SDK1: variants seen among roughly 807,000 people sequenced by gnomAD.
SDK1 encodes the protein sidekick cell adhesion molecule 1, also known as protein sidekick-1.
A neutral mutation model predicts 245.5 loss-of-function variants in SDK1; 157 were observed. The ratio of observed to expected loss-of-function variants is 0.64; its 90% CI spans 0.56 to 0.73. The LOEUF (loss-of-function observed/expected upper bound fraction) is 0.73. SDK1 is among the 30% of genes least tolerant of loss of function. The probability of loss-of-function intolerance (pLI) is 0.00; values close to 1 mark genes in which losing one functional copy is unlikely to be tolerated. For missense variants in SDK1, 3,583 were observed against 3,002.3 expected (o/e 1.19, Z -4.52); for synonymous variants, 1,647 against 1,278.5 (o/e 1.29, Z -6.15).
chr7:3,454,804 G>C (rs943794155), intron 1 of SDK1, among the ~76,000 whole-genome samples: 7 of 152,126 alleles, frequency 4.6e-5, no homozygotes, highest in African/African-American at 1.4e-4. Context: ...TTTCCATGCA[G>C]GTTTTTGTGC....
chr7:3,942,098 G>C (rs1780391472), intron 5 of SDK1, among the ~76,000 whole-genome samples: 1 of 152,030 alleles, frequency 6.6e-6, no homozygotes. Context: ...AGTGGAGACG[G>C]GGTTTCACCG....
intron 1 of SDK1, among the ~76,000 whole-genome samples, chr7:3,525,935 A>G (rs1783112498): frequency 6.6e-6 from 1 of 152,182 alleles, no homozygotes; most frequent in African/African-American, 2.4e-5. Context: ...CTCTACTCTC[A>G]GGTAATTCAC....
At chr7:3,564,920 A>G (rs529594997) in intron 1 of SDK1, among the ~76,000 whole-genome samples, 13 of 152,020 alleles carry the variant, frequency 8.6e-5, no homozygotes, top group Non-Finnish European at 1.6e-4. Flanking sequence ...CAAAAATGCG[A>G]TTATCTCAAG....
intron 1 of SDK1, among the ~76,000 whole-genome samples, chr7:3,502,640 G>A (rs370281366): frequency 1.6e-4 from 24 of 152,170 alleles, no homozygotes; most frequent in Admixed American, 4.6e-4. Context: ...AGAACTACCC[G>A]TTTTGTGTAA....
At chr7:3,520,705 C>A (rs1047799181) in intron 1 of SDK1, among the ~76,000 whole-genome samples, 1 of 152,102 alleles carries the variant, frequency 6.6e-6, no homozygotes, top group Admixed American at 6.6e-5. Flanking sequence ...TTTCTTTAAT[C>A]CCTGTTCAAG....
chr7:3,847,919 G>A (rs1039459181), intron 5 of SDK1, among the ~76,000 whole-genome samples: 4 of 152,182 alleles, frequency 2.6e-5, no homozygotes, highest in African/African-American at 9.7e-5. Context: ...ACCCCTCCCA[G>A]AATTAGACCC....
chr7:4,032,436 G>A (rs1028904760), intron 17 of SDK1, among the ~76,000 whole-genome samples: 3 of 152,216 alleles, frequency 2.0e-5, no homozygotes, highest in African/African-American at 7.2e-5. Flanking sequence ...GCTGAAGGCA[G>A]AAGCGTAAGG....
At chr7:4,042,617 T>C (rs1441145764) in intron 17 of SDK1, among the ~76,000 whole-genome samples, 1 of 91,962 alleles carries the variant, frequency 1.1e-5, no homozygotes, top group Non-Finnish European at 2.0e-5. Flanking sequence ...AAGGGTCTAA[T>C]GCTAATCATC....
intron 1 of SDK1, among the ~76,000 whole-genome samples, chr7:3,502,865 G>C (rs1198830064): frequency 6.6e-6 from 1 of 152,020 alleles, no homozygotes; most frequent in African/African-American, 2.4e-5. Flanking sequence ...TTGTTTTCTT[G>C]TTCTGTAACA....
At chr7:3,378,203 G>A (rs1018041457) in intron 1 of SDK1, among the ~76,000 whole-genome samples, 1 of 152,130 alleles carries the variant, frequency 6.6e-6, no homozygotes, top group South Asian at 2.1e-4. Context: ...AATTAACATT[G>A]TTCTGTCTTC....
chr7:3,482,937 A>G (rs1177346652), intron 1 of SDK1, among the ~76,000 whole-genome samples: 1 of 151,488 alleles, frequency 6.6e-6, no homozygotes, highest in Non-Finnish European at 1.5e-5. Flanking sequence ...GATGCTGGTG[A>G]CAACAATGAT....
chr7:3,678,154 A>T (rs1316996153), intron 4 of SDK1, among the ~76,000 whole-genome samples: 1 of 152,164 alleles, frequency 6.6e-6, no homozygotes, highest in Non-Finnish European at 1.5e-5. Context: ...AGGATGTGGA[A>T]ACAGTGGGGT....
At chr7:3,360,242 A>G (rs1780916555) in intron 1 of SDK1, among the ~76,000 whole-genome samples, 1 of 152,220 alleles carries the variant, frequency 6.6e-6, no homozygotes, top group African/African-American at 2.4e-5. Flanking sequence ...AGCCCCAGCC[A>G]AATACCTGAC....
intron 5 of SDK1, among the ~76,000 whole-genome samples, chr7:3,845,315 C>CAAGGTCAAGTTCAAGACTAGCCTGA: frequency 6.6e-6 from 1 of 152,000 alleles, no homozygotes; most frequent in South Asian, 2.1e-4. Flanking sequence ...CATGGGGAAA[C>CAAGGTCAAGTTCAAGACTAGCCTGA]CCTGTCTCTA....
Position 3,503,987 on chromosome 7 carries a change from TA to T in SDK1, c.299-115088del, listed in dbSNP as rs527314290. 2.8e-4 allele frequency among the ~76,000 whole-genome samples: 43 copies of T among 151,860 alleles called. No homozygotes were observed. In the South Asian group the frequency reaches 8.6e-3, roughly 30 times the overall value. On this transcript the variant is annotated intron_variant, in intron 1 of 44. Transcript: ENST00000404826. ...CAACATGGTGAAACCCTGTCTCTAC[TA>T]AAAATACAAAAATTAGCCGGGCATG... is the stretch of plus-strand genomic sequence containing the variant.
At chr7:3,839,404 A>G (rs1190791828) in intron 5 of SDK1, among the ~76,000 whole-genome samples, 11 of 152,194 alleles carry the variant, frequency 7.2e-5, no homozygotes, top group African/African-American at 2.7e-4. Flanking sequence ...AACCCAATCA[A>G]GTTGTCAGCC....
At chr7:4,005,388 A>ATGTGTGTGTG (rs1293883378) in intron 14 of SDK1, among the ~76,000 whole-genome samples, 2 of 81,644 alleles carry the variant, frequency 2.4e-5, no homozygotes, top group Non-Finnish European at 5.0e-5. Flanking sequence ...TTCTTTTCTT[A>ATGTGTGTGTG]TGTGAGTGTG....
At chr7:4,113,169 T>A in intron 23 of SDK1, 120 bp from the exon 24 acceptor site, 1 of 1,058,864 alleles carries the variant, frequency 9.4e-7, no homozygotes, top group African/African-American at 1.6e-5. Context: ...ATAGCCTTTA[T>A]GATATGAGTA....
chr7:4,156,617 G>A (rs1780754989), intron 30 of SDK1, among the ~76,000 whole-genome samples: 1 of 152,204 alleles, frequency 6.6e-6, no homozygotes, highest in African/African-American at 2.4e-5. Context: ...AAGCAGGACG[G>A]GGACCTGAAA....
Sources: allele counts gnomAD v4.1 joint callset (sites outside exome capture counted in the v4.1 genomes callset), GRCh38; gene constraint gnomAD v4.1.1; transcripts MANE v1.5; gene names NCBI Gene and HGNC (gene_info 2026-07-23, HGNC 2026-07-21).